ASAP2: variants seen among roughly 807,000 people sequenced by gnomAD.
ASAP2 encodes the protein ArfGAP with SH3 domain, ankyrin repeat and PH domain 2, also known as arf-GAP with SH3 domain, ANK repeat and PH domain-containing protein 2.
Under a neutral mutation model 131.4 loss-of-function variants are expected in ASAP2, and 45 were observed. That is an observed-to-expected ratio of 0.34 (90% confidence interval 0.27 to 0.44). The LOEUF is 0.44. Ranked by LOEUF, ASAP2 falls within the 20% of genes least tolerant of loss-of-function variation. The pLI, the probability that ASAP2 is intolerant of heterozygous loss-of-function variation, is 1.00. For missense variants in ASAP2, 1,011 were observed against 1,297.0 expected (o/e 0.78, Z 3.39); for synonymous variants, 510 against 503.0 (o/e 1.01, Z -0.19).
intron 9 of ASAP2, among the ~76,000 whole-genome samples, chr2:9,336,822 C>G (rs1458757109): frequency 3.3e-5 from 5 of 152,238 alleles, no homozygotes; most frequent in Non-Finnish European, 5.9e-5. Flanking sequence ...GAATGCCGTC[C>G]AAGGTGGCTG....
rs948188259 is a variant in ASAP2, at chr2:9,403,979, G to A, written c.*652G>A. 6.6e-6 allele frequency: 1 copy of A among 152,272 alleles called. No homozygotes were observed. Among genetic ancestry groups the A allele is most frequent in the Admixed American group, 6.5e-5 (1 of 15,288 alleles). 9.4% of individuals were successfully genotyped at this position (152,272 alleles called of 1,614,324 possible). Reference sequence around the variant, plus strand: ...AAAACTACTGATGGTTTATGACAACGTAGGGTAACTACAGTTCATTCTGTT... The same window carrying A: ...AAAACTACTGATGGTTTATGACAACATAGGGTAACTACAGTTCATTCTGTT... On this transcript the variant is annotated 3_prime_UTR_variant, in exon 28 of 28. Transcript: ENST00000281419.
intron 18 of ASAP2, 119 bp from the exon 19 acceptor site, chr2:9,378,825 C>T (rs926632640): frequency 3.5e-5 from 21 of 592,552 alleles, no homozygotes; most frequent in South Asian, 2.3e-4. Context: ...TTACAGAAAC[C>T]GTTCACTCGG....
chr2:9,245,554 C>T (rs1269814457), intron 1 of ASAP2, among the ~76,000 whole-genome samples: 6 of 152,182 alleles, frequency 3.9e-5, no homozygotes, highest in African/African-American at 1.4e-4. Context: ...GTGTGTTGCT[C>T]GAATATCACT....
rs1272065953 is a variant in ASAP2, at chr2:9,217,850, G to A, written c.126+10620G>A. 1.3e-5 allele frequency among the ~76,000 whole-genome samples: 2 copies of A among 151,292 alleles called. No individual in the cohort carries two copies. The highest frequency in any genetic ancestry group is 2.4e-5 in the African/African-American group (1 of 41,174). ...AGGATGGTCTTGATCTCCTGACCTC[G>A]TGAGGCACCCACCTCGGCTTCCCAA... is the stretch of plus-strand genomic sequence containing the variant. On this transcript the variant is annotated intron_variant, in intron 1 of 27. Coordinates refer to ENST00000281419, the MANE Select transcript of ASAP2 (RefSeq NM_003887.3). This position sits in a 1 kb window ranked among gnomAD's most constrained non-coding sequence, Gnocchi z 4.0.
intron 24 of ASAP2, among the ~76,000 whole-genome samples, chr2:9,395,584 T>C (rs1676057658): frequency 7.2e-6 from 1 of 139,222 alleles, no homozygotes; most frequent in South Asian, 2.2e-4. Context: ...GTTTTTCTTG[T>C]GTTTTTTTTC....
intron 20 of ASAP2, among the ~76,000 whole-genome samples, chr2:9,383,361 C>T (rs1675018648): frequency 6.6e-6 from 1 of 152,038 alleles, no homozygotes; most frequent in Admixed American, 6.6e-5. Flanking sequence ...CTCAAGCGAT[C>T]CTCTCACCTC....
At chr2:9,313,165 C>G (rs180684094) in intron 3 of ASAP2, among the ~76,000 whole-genome samples, 1 of 152,274 alleles carries the variant, frequency 6.6e-6, no homozygotes, top group South Asian at 2.1e-4. Context: ...CTGAAATGAA[C>G]GAAGAACGAA....
intron 6 of ASAP2, among the ~76,000 whole-genome samples, chr2:9,327,315 A>C (rs141123604): frequency 6.6e-6 from 1 of 152,324 alleles, no homozygotes; most frequent in Non-Finnish European, 1.5e-5. Flanking sequence ...GTCACTAATG[A>C]ATTCTCCAAG....
In ASAP2 at chr2:9,232,806, A is replaced by G. The variant is rs976694025; in HGVS notation, c.126+25576A>G. ...AAAGCTTGTTTCTCTGGCCATGGGG[A>G]CTTGATTCTTAGAGGGTAATGGTTC... On this transcript the variant is annotated intron_variant, in intron 1 of 27. Transcript: ENST00000281419. This position sits in a 1 kb window ranked among gnomAD's most constrained non-coding sequence, Gnocchi z 4.1. 2.0e-5 allele frequency among the ~76,000 whole-genome samples: 3 copies of G among 152,130 alleles called. No homozygotes were observed. Among genetic ancestry groups the G allele is most frequent in the Non-Finnish European group, 4.4e-5 (3 of 68,028 alleles).
At chr2:9,241,106 TGTGGAAAA>T (rs1663932548) in intron 1 of ASAP2, among the ~76,000 whole-genome samples, 2 of 152,248 alleles carry the variant, frequency 1.3e-5, no homozygotes, top group African/African-American at 4.8e-5. Flanking sequence ...TAGTGGAAAC[TGTGGAAAA>T]TGAAACTGTG....
chr2:9,318,055 C>CA (rs1488506208), intron 3 of ASAP2, among the ~76,000 whole-genome samples: 1 of 152,214 alleles, frequency 6.6e-6, no homozygotes, highest in Non-Finnish European at 1.5e-5. Flanking sequence ...TTGCAGCAGA[C>CA]AGAAGACTCT....
At chr2:9,254,236 A>AT (rs1384897871) in intron 1 of ASAP2, among the ~76,000 whole-genome samples, 23 of 47,100 alleles carry the variant, frequency 4.9e-4, no homozygotes, top group Admixed American at 6.7e-4. Flanking sequence ...AAAAAAAAAA[A>AT]ATATATATAT....
chr2:9,361,947 T>C (rs1673108935), intron 15 of ASAP2, among the ~76,000 whole-genome samples: 1 of 151,516 alleles, frequency 6.6e-6, no homozygotes, highest in Non-Finnish European at 1.5e-5. Context: ...GAAGTCTTTT[T>C]ACCTCTTTAT....
chr2:9,298,251 C>T (rs1003543678), intron 3 of ASAP2, among the ~76,000 whole-genome samples: 2 of 152,144 alleles, frequency 1.3e-5, no homozygotes, highest in African/African-American at 2.4e-5. Flanking sequence ...TTTTCGTGTC[C>T]TCTGTTAGGA....
chr2:9,240,245 A>ATT (rs34070129), intron 1 of ASAP2, among the ~76,000 whole-genome samples: 8 of 127,066 alleles, frequency 6.3e-5, no homozygotes, highest in Non-Finnish European at 1.2e-4. Context: ...TCCTCCCATA[A>ATT]TTTTTTTTTT....
intron 1 of ASAP2, among the ~76,000 whole-genome samples, chr2:9,223,771 C>T (rs2147992461): frequency 6.6e-6 from 1 of 152,188 alleles, no homozygotes; most frequent in South Asian, 2.1e-4. Flanking sequence ...ACCCAGTGCC[C>T]TACAGCTAAG....
intron 1 of ASAP2, among the ~76,000 whole-genome samples, chr2:9,239,718 G>C (rs1252509561): frequency 2.0e-5 from 3 of 152,018 alleles, no homozygotes; most frequent in Non-Finnish European, 4.4e-5. Flanking sequence ...TGAAACCACT[G>C]TAATGGCAGC....
At chr2:9,329,178 A>G (rs1288564744) in intron 7 of ASAP2, among the ~76,000 whole-genome samples, 3 of 152,200 alleles carry the variant, frequency 2.0e-5, no homozygotes, top group Admixed American at 6.5e-5. Flanking sequence ...GAAAAAGGCC[A>G]AGGTGACATA....
chr2:9,346,109 C>T (rs1259599682), intron 11 of ASAP2, among the ~76,000 whole-genome samples: 1 of 152,032 alleles, frequency 6.6e-6, no homozygotes, highest in Non-Finnish European at 1.5e-5. Context: ...CCCCGCGACC[C>T]CAGGGCCATG....
Sources: allele counts gnomAD v4.1 joint callset (sites outside exome capture counted in the v4.1 genomes callset), GRCh38; gene constraint gnomAD v4.1.1; non-coding constraint Gnocchi (gnomAD v3.1); transcripts MANE v1.5; gene names NCBI Gene and HGNC (gene_info 2026-07-23, HGNC 2026-07-21).